The following KCTD1 variants were observed in gnomAD, a reference collection of about 807,000 sequenced individuals.
KCTD1 encodes the protein BTB/POZ domain-containing protein KCTD1.
KCTD1 carries 24 observed loss-of-function variants against 66.0 expected under a neutral mutation model. The ratio of observed to expected loss-of-function variants is 0.36; its 90% CI spans 0.26 to 0.51. KCTD1 has a LOEUF of 0.51. Among genes scored for constraint, KCTD1 ranks in the 20% least tolerant of loss-of-function variants. The pLI is 0.95. For missense variants in KCTD1, 943 were observed against 1,205.2 expected (o/e 0.78, Z 3.22); for synonymous variants, 511 against 517.2 (o/e 0.99, Z 0.16).
intron 1 of KCTD1, among the ~76,000 whole-genome samples, chr18:26,571,785 C>T (rs531529438): frequency 2.2e-4 from 33 of 152,094 alleles, no homozygotes; most frequent in African/African-American, 8.0e-4. Flanking sequence ...CATAGTGTAA[C>T]CCATTTCAAA....
intron 1 of KCTD1, among the ~76,000 whole-genome samples, chr18:26,621,127 A>T (rs1480885907): frequency 1.3e-5 from 2 of 152,186 alleles, no homozygotes; most frequent in African/African-American, 4.8e-5. Flanking sequence ...GCCACCGTGC[A>T]CGGCCGAAAA....
At chr18:26,627,652 T>A (rs1273271593) in intron 1 of KCTD1, among the ~76,000 whole-genome samples, 4 of 152,204 alleles carry the variant, frequency 2.6e-5, no homozygotes, top group African/African-American at 9.7e-5. Context: ...AAATTAGTTG[T>A]TTGCAGCAAA....
At chr18:26,535,985 A>AAAAAG (rs397952929) in intron 1 of KCTD1, among the ~76,000 whole-genome samples, 2 of 147,608 alleles carry the variant, frequency 1.4e-5, no homozygotes, top group Non-Finnish European at 3.0e-5. Context: ...AAAAAAAAAA[A>AAAAAG]AAGAAGATTT....
rs188484255 is a variant in KCTD1 at position 26,520,317 on chromosome 18, T to C, written c.1810-19067A>G. 1.2e-3 allele frequency among the ~76,000 whole-genome samples: 181 copies of C among 152,282 alleles called. 3 individuals are homozygous for C. The highest frequency in any genetic ancestry group is 3.9e-3 in the African/African-American group (164 of 41,564). The stretch of plus-strand genomic sequence containing the variant: ...TTTCTGCCATCTCCCCAGAGAGAAC[T>C]GGAGCCTGCATAACCATGTAAAACT... On this transcript the variant is annotated intron_variant, in intron 1 of 4. Coordinates refer to ENST00000580059, the MANE Select transcript of KCTD1 (RefSeq NM_001142730.3).
chr18:26,539,019 C>A (rs919186072), intron 1 of KCTD1, among the ~76,000 whole-genome samples: 5 of 152,216 alleles, frequency 3.3e-5, no homozygotes, highest in African/African-American at 7.2e-5. Context: ...CAAGTTCTCT[C>A]TTCTTTAGTT....
chr18:26,495,530 C>A (rs1982425875), intron 2 of KCTD1, among the ~76,000 whole-genome samples: 1 of 152,154 alleles, frequency 6.6e-6, no homozygotes, highest in South Asian at 2.1e-4. Flanking sequence ...GTGTTGACTG[C>A]AAGGCTGAAA....
chr18:26,636,048 G>T (rs1987716687), intron 1 of KCTD1, among the ~76,000 whole-genome samples: 1 of 152,114 alleles, frequency 6.6e-6, no homozygotes, highest in South Asian at 2.1e-4. Context: ...CTAAGGAGGG[G>T]TTAAGGAATG....
intron 1 of KCTD1, among the ~76,000 whole-genome samples, chr18:26,589,183 G>A (rs1457598220): frequency 6.6e-6 from 1 of 152,206 alleles, no homozygotes; most frequent in East Asian, 1.9e-4. Flanking sequence ...GGATGGTAAC[G>A]TGAATGTGAG....
At chr18:26,538,013 G>T (rs1197080016) in intron 1 of KCTD1, among the ~76,000 whole-genome samples, 1 of 152,156 alleles carries the variant, frequency 6.6e-6, no homozygotes, top group Non-Finnish European at 1.5e-5. Flanking sequence ...TTGGGAGGCT[G>T]AGGCGGGTGG....
chr18:26,562,790 T>C (rs1384251783), intron 1 of KCTD1, among the ~76,000 whole-genome samples: 4 of 152,154 alleles, frequency 2.6e-5, no homozygotes, highest in Non-Finnish European at 5.9e-5. Context: ...AGATGACCTC[T>C]TCTCTGTGTG....
chr18:26,478,391 G>A (rs1195137773), intron 2 of KCTD1, among the ~76,000 whole-genome samples: 1 of 152,222 alleles, frequency 6.6e-6, no homozygotes, highest in Non-Finnish European at 1.5e-5. Context: ...CGATTGGAAT[G>A]AAAAGAATTA....
chr18:26,551,649 GA>G (rs377377890), upstream of KCTD1, among the ~76,000 whole-genome samples: 651 of 146,506 alleles, frequency 4.4e-3, 4 homozygotes, highest in African/African-American at 0.014. Context: ...TCGACCAAAA[GA>G]AAAAAAAAAG....
At chr18:26,475,383 A>G (rs1203075426) in intron 3 of KCTD1, among the ~76,000 whole-genome samples, 2 of 152,356 alleles carry the variant, frequency 1.3e-5, no homozygotes, top group East Asian at 3.9e-4. Flanking sequence ...TTTCCCATCC[A>G]GGAACCTAGA....
intron 1 of KCTD1, among the ~76,000 whole-genome samples, chr18:26,540,042 A>G (rs1984902168): frequency 6.6e-6 from 1 of 152,202 alleles, no homozygotes; most frequent in South Asian, 2.1e-4. Flanking sequence ...AAGGGCCCAA[A>G]TGGGAACTGG....
At chr18:26,632,233 A>G (rs1171997834), upstream of KCTD1, among the ~76,000 whole-genome samples, 2 of 151,990 alleles carry the variant, frequency 1.3e-5, no homozygotes, top group Non-Finnish European at 1.5e-5. Flanking sequence ...AAAAATACAA[A>G]AAATTAGCTT....
At chr18:26,537,120 C>G (rs1029863009) in intron 1 of KCTD1, among the ~76,000 whole-genome samples, 3 of 152,146 alleles carry the variant, frequency 2.0e-5, no homozygotes, top group African/African-American at 7.2e-5. Context: ...TCTTGTTATA[C>G]TTTTACTTAG....
chr18:26,570,072 G>A (rs4081488), intron 1 of KCTD1, among the ~76,000 whole-genome samples: 50,373 of 151,530 alleles, frequency 0.33, 9,412 homozygotes, highest in East Asian at 0.59. Flanking sequence ...TGTAATCCCA[G>A]CTATTAGGGA....
intron 1 of KCTD1, among the ~76,000 whole-genome samples, chr18:26,502,783 T>C (rs1046488209): frequency 6.6e-6 from 1 of 152,252 alleles, no homozygotes; most frequent in Admixed American, 6.5e-5. Context: ...AAACAATGTA[T>C]GGCAAAGCCA....
rs1567988597 is a variant in KCTD1 at position 26,547,050 on chromosome 18, G to GGGGGGTGGT, written c.1478_1486dup (p.His493_Pro495dup). The stretch of plus-strand genomic sequence containing the variant: ...GCGGTGGTGGTGGGAGGGATGGGTG[G>GGGGGGTGGT]GGGGGTGGTGGGAGTGGTGCCGTGC... On this transcript the variant is annotated inframe_insertion, in exon 1 of 5. Coordinates refer to ENST00000580059, the MANE Select transcript of KCTD1 (RefSeq NM_001142730.3). 4 of 1,494,666 alleles carry GGGGGGTGGT rather than the reference G, an allele frequency of 2.7e-6. No homozygotes were observed. The East Asian group carries it at 7.4e-5, about 28-fold the overall frequency. The allele number at this position is 1,494,666 out of a possible 1,614,324, so 92.6% of individuals were successfully genotyped here. A position where few individuals can be genotyped will look rare whatever the true frequency, so the allele number is the denominator to read the frequency against.
Sources: gnomAD v4.1 joint callset for allele counts (sites outside exome capture counted in the v4.1 genomes callset) on GRCh38, gnomAD v4.1.1 for gene constraint, MANE v1.5 for transcripts, NCBI Gene and HGNC (gene_info 2026-07-23, HGNC 2026-07-21) for gene names.